Variants in SMAD9 observed in about 807,000 individuals in gnomAD.
The protein encoded by SMAD9 is MAD homolog 9.
In SMAD9, 36 loss-of-function variants were observed where a neutral mutation model predicts 46.1. The ratio of observed to expected loss-of-function variants is 0.78; its 90% CI spans 0.60 to 1.03. SMAD9 has a LOEUF of 1.03. SMAD9 is among the 50% of genes least tolerant of loss of function. The probability of loss-of-function intolerance (pLI) is 0.00; values close to 1 mark genes in which losing one functional copy is unlikely to be tolerated. For synonymous variants in SMAD9, 245 were observed against 237.1 expected, an observed-to-expected ratio of 1.03 and a Z score of -0.31; for missense variants, 572 against 599.8, an observed-to-expected ratio of 0.95 and a Z score of 0.48.
Position 36,856,641 on chromosome 13 carries a change from G to A in SMAD9, c.1004-2966C>T, listed in dbSNP as rs144785265. On this transcript the variant is annotated intron_variant, in intron 5 of 6. Transcript: ENST00000379826. Reference sequence around the variant, plus strand: ...CAATGTTATTTGCATCCATTTGGTAGGCCAGAATAGTAGCTTTAAACGCCA... The same window carrying A: ...CAATGTTATTTGCATCCATTTGGTAAGCCAGAATAGTAGCTTTAAACGCCA... 5.9e-3 allele frequency among the ~76,000 whole-genome samples: 892 copies of A among 152,292 alleles called. 5 individuals carry two copies. The highest frequency in any genetic ancestry group is 0.02 in the African/African-American group (814 of 41,566).
chr13:36,877,800 A>C (rs575878589), intron 2 of SMAD9, among the ~76,000 whole-genome samples: 1 of 152,142 alleles, frequency 6.6e-6, no homozygotes, highest in Non-Finnish European at 1.5e-5. Flanking sequence ...ACACAGGTAG[A>C]TGTTAAGTTC....
intron 1 of SMAD9, among the ~76,000 whole-genome samples, chr13:36,916,764 C>T (rs2058701443): frequency 6.6e-6 from 1 of 151,182 alleles, no homozygotes; most frequent in Admixed American, 6.6e-5. Flanking sequence ...CACAGGAGCT[C>T]GAAGGAGGAC....
intron 1 of SMAD9, among the ~76,000 whole-genome samples, chr13:36,899,731 A>C (rs1233685347): frequency 2.0e-5 from 3 of 152,198 alleles, no homozygotes; most frequent in African/African-American, 7.2e-5. Context: ...TGGAATCCTA[A>C]ATTTATCAGC....
chr13:36,890,672 T>A (rs998313829), intron 1 of SMAD9, among the ~76,000 whole-genome samples: 4 of 152,192 alleles, frequency 2.6e-5, no homozygotes, highest in Admixed American at 1.3e-4. Context: ...TTCTCATTGT[T>A]GTAAAGTCAC....
intron 2 of SMAD9, among the ~76,000 whole-genome samples, chr13:36,874,234 G>C (rs2058323729): frequency 6.6e-6 from 1 of 152,228 alleles, no homozygotes; most frequent in Admixed American, 6.5e-5. Context: ...AAGAGCCACA[G>C]AGTGTGCAGA....
intron 1 of SMAD9, among the ~76,000 whole-genome samples, chr13:36,898,637 C>T (rs1048407697): frequency 6.6e-6 from 1 of 152,036 alleles, no homozygotes; most frequent in Non-Finnish European, 1.5e-5. Flanking sequence ...TTTCACCATA[C>T]TAACAAAATA....
rs1279609195 is a variant in SMAD9, at chr13:36,847,482, T to C, written c.*1194A>G. ...TATATTTTTAAAAGATGTCTTATTATTCAGTACCACTGTTCCCCAGAAATT... is the reference window on the plus strand; with the variant it reads ...TATATTTTTAAAAGATGTCTTATTACTCAGTACCACTGTTCCCCAGAAATT... On this transcript the variant is annotated 3_prime_UTR_variant, in exon 7 of 7. Transcript: ENST00000379826. 2 of 152,234 alleles carry C rather than the reference T, an allele frequency of 1.3e-5. No homozygotes were observed. Among genetic ancestry groups the C allele is most frequent in the Non-Finnish European group, 2.9e-5 (2 of 68,042 alleles). The allele number at this position is 152,234 out of a possible 1,614,324, so 9.4% of individuals were successfully genotyped here.
intron 6 of SMAD9, chr13:36,851,761 G>C (rs1328991205): frequency 1.0e-6 from 1 of 964,888 alleles, no homozygotes; most frequent in East Asian, 1.1e-4. Context: ...TATTTACTAT[G>C]TATTTATTTT....
At position 36,860,104 on chromosome 13, in the gene SMAD9, T is replaced by A. The variant is rs140713417; in HGVS notation, c.1003+5433A>T. ...TTGCCCTCACTTTACTCTATGGATT[T>A]GCCTTAAATTCTTTCTTGTGAGAGA... On this transcript the variant is annotated intron_variant, in intron 5 of 6. Transcript: ENST00000379826. 6.8e-4 allele frequency among the ~76,000 whole-genome samples: 103 copies of A among 152,332 alleles called. 1 individual carries two copies. The East Asian group carries it at 0.019, about 28-fold the overall frequency.
At position 36,872,837 on chromosome 13, in the gene SMAD9, G is replaced by A. The variant is rs1303390306; in HGVS notation, c.491C>T (p.Ser164Phe). 3 of 1,614,126 alleles carry A rather than the reference G, an allele frequency of 1.9e-6. No individual in the cohort carries two copies. The highest frequency in any genetic ancestry group is 2.5e-6 in the Non-Finnish European group (3 of 1,180,028). Reference sequence around the variant, plus strand: ...TGGCATGAGTGGCTCACTGTGCAGGGAGGCGCTGCGGAACTTGGCCAGGAG... The same window carrying A: ...TGGCATGAGTGGCTCACTGTGCAGGAAGGCGCTGCGGAACTTGGCCAGGAG... ...LSLLAKFRSASLHSEPLMPHN... is the reference protein window; with the variant it reads ...LSLLAKFRSAFLHSEPLMPHN... The change falls in exon 3 of 7, where the codon TCC (serine) becomes TTC (phenylalanine). Residue 164 changes from serine (S) to phenylalanine (F), a missense_variant. Physicochemically the swap from Ser to Phe is radical, Grantham distance 155. Coordinates refer to ENST00000379826, the MANE Select transcript of SMAD9 (RefSeq NM_001127217.3).
chr13:36,851,448 C>T (rs1398092896), intron 6 of SMAD9, among the ~76,000 whole-genome samples: 1 of 152,204 alleles, frequency 6.6e-6, no homozygotes. Flanking sequence ...GCTCCAATTC[C>T]CTTCACCCTG....
chr13:36,898,879 C>T (rs1398384845), intron 1 of SMAD9, among the ~76,000 whole-genome samples: 1 of 152,160 alleles, frequency 6.6e-6, no homozygotes, highest in African/African-American at 2.4e-5. Flanking sequence ...TCTACTCTCA[C>T]CACTGCTATT....
At chr13:36,872,072 A>G (rs899878786) in intron 3 of SMAD9, among the ~76,000 whole-genome samples, 22 of 152,148 alleles carry the variant, frequency 1.4e-4, no homozygotes, top group Non-Finnish European at 5.9e-5. Flanking sequence ...TTATGACAGC[A>G]TGCTAGAGGC....
chr13:36,899,611 C>T (rs763601786), intron 1 of SMAD9, among the ~76,000 whole-genome samples: 3 of 152,070 alleles, frequency 2.0e-5, no homozygotes, highest in Non-Finnish European at 4.4e-5. Flanking sequence ...TTTACTGAGT[C>T]TGAGGTAGTG....
In SMAD9 at chr13:36,879,579, T is replaced by TAGTGAA; in HGVS notation, c.110_111insTTCACT (p.Ala37_Val38insSerLeu). 1 of 1,614,212 alleles carries TAGTGAA rather than the reference T, an allele frequency of 6.2e-7. No homozygotes were observed. The highest frequency in any genetic ancestry group is 8.5e-7 in the Non-Finnish European group (1 of 1,180,036). On this transcript the variant is annotated inframe_insertion, in exon 2 of 7. Coordinates refer to ENST00000379826, the MANE Select transcript of SMAD9 (RefSeq NM_001127217.3). The stretch of plus-strand genomic sequence containing the variant: ...TTAACTTCTTCACTAGAGAGTCCAC[T>TAGTGAA]GCCTTCTCTGCCCACTTTTCCTCTT...
chr13:36,850,523 C>T (rs1323850201), intron 6 of SMAD9, among the ~76,000 whole-genome samples: 2 of 152,144 alleles, frequency 1.3e-5, no homozygotes, highest in Admixed American at 1.3e-4. Flanking sequence ...AGATTACAGG[C>T]ACGCGCCACC....
At chr13:36,864,193 C>T (rs2058209810) in intron 5 of SMAD9, among the ~76,000 whole-genome samples, 1 of 152,194 alleles carries the variant, frequency 6.6e-6, no homozygotes, top group Admixed American at 6.5e-5. Flanking sequence ...AAGATTATTT[C>T]CTTTGAGGAA....
chr13:36,884,726 G>T (rs1002340959), intron 1 of SMAD9, among the ~76,000 whole-genome samples: 12 of 152,192 alleles, frequency 7.9e-5, no homozygotes, highest in Non-Finnish European at 1.5e-4. Flanking sequence ...TTTCCACTCA[G>T]TTGGTCTCCT....
rs1331089988 is a variant in SMAD9, at chr13:36,845,128, A to G, written c.*3548T>C. On this transcript the variant is annotated 3_prime_UTR_variant, in exon 7 of 7. Transcript: ENST00000379826. Reference sequence around the variant, plus strand: ...TGTGTGTGTGTGTATATATATATATATATATACACACTAAATATTTGGGAC... The same window carrying G: ...TGTGTGTGTGTGTATATATATATATGTATATACACACTAAATATTTGGGAC... The G allele has an allele frequency of 3.3e-5, 5 of 151,964 alleles. No individual in the cohort carries two copies. Among genetic ancestry groups the G allele is most frequent in the African/African-American group, 1.2e-4 (5 of 41,400 alleles). The allele number at this position is 151,964 out of a possible 1,614,324, so 9.4% of individuals were successfully genotyped here. A position where few individuals can be genotyped will look rare whatever the true frequency, so the allele number is the denominator to read the frequency against.
Sources: allele counts gnomAD v4.1 joint callset (sites outside exome capture counted in the v4.1 genomes callset), GRCh38; gene constraint gnomAD v4.1.1; transcripts MANE v1.5; gene names NCBI Gene and HGNC (gene_info 2026-07-23, HGNC 2026-07-21).